The following SPATS2 variants were observed in gnomAD, a reference collection of about 807,000 sequenced individuals.
SPATS2 encodes the protein spermatogenesis-associated serine-rich protein 2.
In SPATS2, 38 loss-of-function variants were observed where a neutral mutation model predicts 63.7. That is an observed-to-expected ratio of 0.60 (90% CI 0.46 to 0.78). SPATS2 has a LOEUF of 0.78. SPATS2 is among the 30% of genes least tolerant of loss of function. The pLI, the probability that SPATS2 is intolerant of heterozygous loss-of-function variation, is 0.00. For synonymous variants in SPATS2, 207 were observed against 232.9 expected, an observed-to-expected ratio of 0.89 and a Z score of 1.01; for missense variants, 588 against 666.2, an observed-to-expected ratio of 0.88 and a Z score of 1.29.
chr12:49,514,990 A>G (rs1459987964), intron 10 of SPATS2, among the ~76,000 whole-genome samples: 1 of 152,186 alleles, frequency 6.6e-6, no homozygotes, highest in Non-Finnish European at 1.5e-5. Flanking sequence ...TAGGTTGCCT[A>G]CGATTGTATG....
intron 13 of SPATS2, among the ~76,000 whole-genome samples, chr12:49,525,466 T>TC (rs1334720188): frequency 6.6e-6 from 1 of 152,232 alleles, no homozygotes; most frequent in African/African-American, 2.4e-5. Context: ...CCGTAAGCTT[T>TC]CCGGATTATA....
chr12:49,471,484 G>A (rs1283711872), intron 3 of SPATS2, among the ~76,000 whole-genome samples: 1 of 152,118 alleles, frequency 6.6e-6, no homozygotes, highest in African/African-American at 2.4e-5. Flanking sequence ...CCACAGGAAA[G>A]CACCTTGCTA....
At chr12:49,379,566 A>G (rs1218812127) in intron 2 of SPATS2, among the ~76,000 whole-genome samples, 11 of 150,752 alleles carry the variant, frequency 7.3e-5, no homozygotes, top group East Asian at 6.0e-4. Context: ...AAAAAAAAAA[A>G]AAGAAAACAA....
At chr12:49,378,261 GTTTATTTTATTTTATTTTAT>G (rs199537085) in intron 2 of SPATS2, among the ~76,000 whole-genome samples, 7 of 144,220 alleles carry the variant, frequency 4.9e-5, no homozygotes, top group South Asian at 2.2e-4. Context: ...TTGAGTTAAT[GTTTATTTTATTTTATTTTAT>G]TTTATTTTAT....
intron 2 of SPATS2, among the ~76,000 whole-genome samples, chr12:49,408,556 T>TAGGTC: frequency 7.1e-6 from 1 of 141,580 alleles, no homozygotes; most frequent in Non-Finnish European, 1.5e-5. Flanking sequence ...CCTGGCCTTT[T>TAGGTC]TTTTTTTTTT....
intron 2 of SPATS2, among the ~76,000 whole-genome samples, chr12:49,408,477 TC>T: frequency 6.6e-6 from 1 of 151,582 alleles, no homozygotes; most frequent in African/African-American, 2.4e-5. Context: ...GGTCTTGAAA[TC>T]CTGACCTCAA....
chr12:49,437,694 C>T (rs1208067157), intron 2 of SPATS2, among the ~76,000 whole-genome samples: 1 of 152,202 alleles, frequency 6.6e-6, no homozygotes, highest in Admixed American at 6.5e-5. Flanking sequence ...TCAGGCATGG[C>T]GGCGCGCGCC....
rs1054073123 is a variant in SPATS2, at chr12:49,371,261, A to G, written c.-273A>G. Reference sequence around the variant, plus strand: ...TACCAATATTCTACTTTCTGTCTCTATGAATGTGACTACCCTGGTTACCTC... The same window carrying G: ...TACCAATATTCTACTTTCTGTCTCTGTGAATGTGACTACCCTGGTTACCTC... On this transcript the variant is annotated 5_prime_UTR_variant, in exon 2 of 14. An upstream start codon of the reference 5' UTR is lost. Transcript: ENST00000552918. 1.3e-5 allele frequency: 2 copies of G among 152,212 alleles called. No individual in the cohort carries two copies. The highest frequency in any genetic ancestry group is 2.9e-5 in the Non-Finnish European group (2 of 68,044). The allele number at this position is 152,212 out of a possible 1,614,324, so 9.4% of individuals were successfully genotyped here.
At chr12:49,403,249 G>A (rs1443178933) in intron 2 of SPATS2, among the ~76,000 whole-genome samples, 1 of 151,732 alleles carries the variant, frequency 6.6e-6, no homozygotes, top group Non-Finnish European at 1.5e-5. Flanking sequence ...AGGGAAAGGC[G>A]GAGGAGCTGG....
At chr12:49,514,344 A>T (rs572272437) in intron 9 of SPATS2, 18 of 513,336 alleles carry the variant, frequency 3.5e-5, no homozygotes, top group Admixed American at 3.3e-4. Flanking sequence ...TATAAAAGGG[A>T]ATTGGGTCTA....
rs548470683 is a variant in SPATS2, at chr12:49,519,249, A to C, written c.1008+67A>C. The C allele has an allele frequency of 6.6e-4, 828 of 1,253,756 alleles. 3 individuals carry two copies. Among genetic ancestry groups the C allele is most frequent in the South Asian group, 1.8e-3 (130 of 73,262 alleles). 77.7% of individuals were successfully genotyped at this position (1,253,756 alleles called of 1,614,324 possible). A position where few individuals can be genotyped will look rare whatever the true frequency, so the allele number is the denominator to read the frequency against. Reference sequence around the variant, plus strand: ...GGGGCTAAAGTAAGAAATTTTCATAATTCATGGCCATATCTAATATATTAA... The same window carrying C: ...GGGGCTAAAGTAAGAAATTTTCATACTTCATGGCCATATCTAATATATTAA... On this transcript the variant is annotated intron_variant, in intron 11 of 13. Transcript: ENST00000552918.
intron 3 of SPATS2, among the ~76,000 whole-genome samples, chr12:49,482,313 G>A (rs1348735776): frequency 6.6e-6 from 1 of 152,234 alleles, no homozygotes; most frequent in Non-Finnish European, 1.5e-5. Flanking sequence ...TTCCGAGGAA[G>A]GGAGGAGAGT....
chr12:49,520,565 C>T (rs1048649135), intron 11 of SPATS2, among the ~76,000 whole-genome samples: 3 of 152,174 alleles, frequency 2.0e-5, no homozygotes, highest in Admixed American at 2.0e-4. Context: ...CAGGCAGGAG[C>T]TCCTGTCTCT....
chr12:49,396,345 A>G (rs1269761696), intron 2 of SPATS2, among the ~76,000 whole-genome samples: 2 of 152,236 alleles, frequency 1.3e-5, no homozygotes, highest in Middle Eastern at 3.4e-3. Context: ...GGGTTTTAGC[A>G]TCTCCTTGTC....
intron 2 of SPATS2, among the ~76,000 whole-genome samples, chr12:49,388,953 G>A (rs1411409400): frequency 6.6e-6 from 1 of 152,000 alleles, no homozygotes; most frequent in African/African-American, 2.4e-5. Flanking sequence ...ATTGGCCTAC[G>A]AAAGTGCTGG....
intron 1 of SPATS2, 34 bp downstream of exon 1, chr12:49,367,621 G>T (rs1592329994): frequency 2.5e-6 from 1 of 396,820 alleles, no homozygotes; most frequent in East Asian, 3.6e-5. Flanking sequence ...CGGGGTTGGC[G>T]GGGGCTCAGA....
At chr12:49,370,373 T>G (rs1943976998) in intron 1 of SPATS2, among the ~76,000 whole-genome samples, 1 of 152,242 alleles carries the variant, frequency 6.6e-6, no homozygotes, top group African/African-American at 2.4e-5. Flanking sequence ...TCAGTCTTGC[T>G]GCTTTCATTG....
intron 9 of SPATS2, among the ~76,000 whole-genome samples, chr12:49,504,086 A>G (rs1946615356): frequency 1.3e-5 from 2 of 152,220 alleles, no homozygotes; most frequent in Non-Finnish European, 2.9e-5. Context: ...AGCTAACTCC[A>G]TTTGGCACCA....
intron 2 of SPATS2, among the ~76,000 whole-genome samples, chr12:49,386,826 T>C (rs1328970145): frequency 2.0e-5 from 3 of 152,102 alleles, no homozygotes; most frequent in Admixed American, 1.3e-4. Context: ...TGGGAGCTAA[T>C]TGATATTGTG....
Sources: allele counts gnomAD v4.1 joint callset (sites outside exome capture counted in the v4.1 genomes callset), GRCh38; gene constraint gnomAD v4.1.1; transcripts MANE v1.5; gene names NCBI Gene and HGNC (gene_info 2026-07-23, HGNC 2026-07-21).